Variants in SDK1 observed in about 807,000 individuals in gnomAD.
SDK1 encodes the protein sidekick cell adhesion molecule 1.
A neutral mutation model predicts 245.5 loss-of-function variants in SDK1; 157 were observed. The observed-to-expected ratio is 0.64, with a 90% CI of 0.56 to 0.73. The LOEUF (loss-of-function observed/expected upper bound fraction) is 0.73, where lower values mean the gene tolerates loss of function less well. Among genes scored for constraint, SDK1 ranks in the 30% least tolerant of loss-of-function variants. SDK1 has a pLI of 0.00. For missense variants in SDK1, 3,583 were observed against 3,002.3 expected (o/e 1.19, Z -4.52); for synonymous variants, 1,647 against 1,278.5 (o/e 1.29, Z -6.15).
At chr7:4,127,565 C>G (rs1219111888) in intron 26 of SDK1, 69 bp downstream of exon 26, 1 of 1,139,840 alleles carries the variant, frequency 8.8e-7, no homozygotes, top group Non-Finnish European at 1.3e-6. Flanking sequence ...ATGTGCTATT[C>G]CCCCAAAGCA....
chr7:3,881,187 G>A (rs1781200127), intron 5 of SDK1, among the ~76,000 whole-genome samples: 4 of 151,928 alleles, frequency 2.6e-5, no homozygotes, highest in Non-Finnish European at 4.4e-5. Context: ...TTTGCTACAC[G>A]AATCAACCCA....
At chr7:3,714,556 G>C (rs984372499) in intron 4 of SDK1, among the ~76,000 whole-genome samples, 2 of 152,138 alleles carry the variant, frequency 1.3e-5, no homozygotes, top group African/African-American at 4.8e-5. Flanking sequence ...TCTTATGTAA[G>C]TGGTGATATT....
rs1562691324 is a variant in SDK1 at position 4,026,685 on chromosome 7, G to GT, written c.2602+9336dup. Among the ~76,000 whole-genome samples, 1 of 152,208 alleles carries GT rather than the reference G, an allele frequency of 6.6e-6. No individual in the cohort carries two copies. Among genetic ancestry groups the GT allele is most frequent in the Non-Finnish European group, 1.5e-5 (1 of 68,030 alleles). On this transcript the variant is annotated intron_variant, in intron 17 of 44. Coordinates refer to ENST00000404826, the MANE Select transcript of SDK1 (RefSeq NM_152744.4). The surrounding 1 kb of genome is among the most constrained non-coding windows in gnomAD (Gnocchi z 4.1). The stretch of plus-strand genomic sequence containing the variant: ...AGAAACTTGAGCTTATTTGTCAAAG[G>GT]TTTGTTAACCTAATAATGCCGTAGA...
intron 4 of SDK1, among the ~76,000 whole-genome samples, chr7:3,789,495 A>G (rs994915065): frequency 4.6e-5 from 7 of 152,140 alleles, no homozygotes; most frequent in Non-Finnish European, 8.8e-5. Context: ...TTCCTAAGCA[A>G]CCCTTCTTAA....
intron 4 of SDK1, among the ~76,000 whole-genome samples, chr7:3,801,682 C>A (rs548064698): frequency 4.6e-5 from 7 of 152,192 alleles, no homozygotes; most frequent in Non-Finnish European, 7.3e-5. Flanking sequence ...GCTGTGGCTG[C>A]TCCCAGCTTG....
At chr7:3,529,184 A>G (rs1783256930) in intron 1 of SDK1, among the ~76,000 whole-genome samples, 1 of 152,170 alleles carries the variant, frequency 6.6e-6, no homozygotes. Context: ...TTTTGGAAAC[A>G]TGTATATATA....
intron 26 of SDK1, 133 bp from the exon 27 acceptor site, chr7:4,129,775 C>G (rs531257787): frequency 6.6e-7 from 1 of 1,504,092 alleles, no homozygotes; most frequent in South Asian, 1.3e-5. Context: ...TCCAGAAGCC[C>G]TGCACACAGC....
rs1364677160 is a variant in SDK1 at position 4,149,346 on chromosome 7, G to A, written c.4508G>A (p.Ser1503Asn). 6.3e-7 allele frequency: 1 copy of A among 1,591,882 alleles called. No homozygotes were observed. The highest frequency in any genetic ancestry group is 1.7e-5 in the Admixed American group (1 of 57,170). ...RSLRLQWVPG[S>N]DGASPIRYFT... ...CTCCGGCTCCAGTGGGTCCCGGGCA[G>A]CGACGGGGCCTCCCCCATCCGGTAC... The change falls in exon 30 of 45, where the codon AGC (serine) becomes AAC (asparagine). Residue 1503 changes from serine to asparagine, a missense_variant. Ser to Asn is a conservative substitution (Grantham distance 46). Coordinates refer to ENST00000404826, the MANE Select transcript of SDK1 (RefSeq NM_152744.4).
chr7:3,372,991 T>C (rs1307854111), intron 1 of SDK1, among the ~76,000 whole-genome samples: 41 of 152,232 alleles, frequency 2.7e-4, no homozygotes, highest in South Asian at 1.0e-3. Flanking sequence ...TAAAATCCAG[T>C]GGTTAATTTG....
At chr7:3,745,351 C>T (rs116500396) in intron 4 of SDK1, among the ~76,000 whole-genome samples, 1,894 of 152,248 alleles carry the variant, frequency 0.012, 47 homozygotes, top group African/African-American at 0.043. Flanking sequence ...GAAATGTAGA[C>T]TCACAAGAAG....
chr7:3,855,083 C>T (rs1364350110), intron 5 of SDK1, among the ~76,000 whole-genome samples: 2 of 151,986 alleles, frequency 1.3e-5, no homozygotes, highest in African/African-American at 2.4e-5. Flanking sequence ...GGACTTAGGC[C>T]TAAGAGAGAG....
intron 1 of SDK1, among the ~76,000 whole-genome samples, chr7:3,564,992 C>G (rs532327411): frequency 6.6e-6 from 1 of 151,952 alleles, no homozygotes; most frequent in African/African-American, 2.4e-5. Flanking sequence ...TATAGGGGAT[C>G]AGGTACTTTA....
At chr7:3,707,603 T>C (rs1275875566) in intron 4 of SDK1, among the ~76,000 whole-genome samples, 1 of 152,214 alleles carries the variant, frequency 6.6e-6, no homozygotes, top group East Asian at 1.9e-4. Flanking sequence ...TGTTTGTTCG[T>C]TGACTTTCTC....
At chr7:3,729,549 A>C (rs1779113519) in intron 4 of SDK1, among the ~76,000 whole-genome samples, 1 of 152,208 alleles carries the variant, frequency 6.6e-6, no homozygotes, top group African/African-American at 2.4e-5. Flanking sequence ...TATCTGACCC[A>C]CAATGCCAAC....
chr7:3,470,422 T>A (rs997286983), intron 1 of SDK1, among the ~76,000 whole-genome samples: 2 of 152,178 alleles, frequency 1.3e-5, no homozygotes, highest in Non-Finnish European at 2.9e-5. Context: ...AATATAAAAT[T>A]TGTAATCAAA....
chr7:4,137,191 G>A (rs966060565), intron 28 of SDK1, among the ~76,000 whole-genome samples: 5 of 152,198 alleles, frequency 3.3e-5, no homozygotes, highest in African/African-American at 9.7e-5. Flanking sequence ...GCTACTCAGG[G>A]GGCTGAGGCA....
At chr7:3,469,171 C>G (rs113003096) in intron 1 of SDK1, among the ~76,000 whole-genome samples, 24 of 152,024 alleles carry the variant, frequency 1.6e-4, no homozygotes, top group Non-Finnish European at 4.4e-5. Context: ...ACCTGTAATC[C>G]CAGCACCTTG....
intron 22 of SDK1, among the ~76,000 whole-genome samples, chr7:4,089,079 CCTCAGGCGGAGGTAAGACCCTCT>C (rs1211026829): frequency 7.9e-5 from 11 of 139,432 alleles, no homozygotes; most frequent in African/African-American, 3.2e-4. Flanking sequence ...TGAGACCCTC[CCTCAGGCGGAGGTAAGACCCTCT>C]CTCAGGCGGA....
chr7:4,268,107 G>A lies in SDK1; in HGVS notation c.*2723G>A, dbSNP rs576047250. ...GCCAGGCTAGATGGAATGTGCTCCC[G>A]CTCTCTCCTGCCGTGCTGAAAGTCA... is the stretch of plus-strand genomic sequence containing the variant. On this transcript the variant is annotated 3_prime_UTR_variant, in exon 45 of 45. Coordinates refer to ENST00000404826, the MANE Select transcript of SDK1 (RefSeq NM_152744.4). 6 of 985,460 alleles carry A rather than the reference G, an allele frequency of 6.1e-6. No homozygotes were observed. Among genetic ancestry groups the A allele is most frequent in the African/African-American group, 1.7e-5 (1 of 57,240 alleles). The allele number at this position is 985,460 out of a possible 1,614,324, so 61.0% of individuals were successfully genotyped here.
Sources: allele counts gnomAD v4.1 joint callset (sites outside exome capture counted in the v4.1 genomes callset), GRCh38; gene constraint gnomAD v4.1.1; non-coding constraint Gnocchi (gnomAD v3.1); transcripts MANE v1.5; gene names NCBI Gene and HGNC (gene_info 2026-07-23, HGNC 2026-07-21).